The following CHIA variants were observed in gnomAD, a reference collection of about 807,000 sequenced individuals.
The protein encoded by CHIA is chitinase acidic.
In CHIA, 47 loss-of-function variants were observed where a neutral mutation model predicts 53.5. That is an observed-to-expected ratio of 0.88 (90% CI 0.70 to 1.12). The LOEUF is 1.12. CHIA is among the 50% of genes most tolerant of loss of function. CHIA has a pLI of 0.00. For missense variants in CHIA, 652 were observed against 592.2 expected (o/e 1.10, Z -1.05); for synonymous variants, 268 against 222.2 (o/e 1.21, Z -1.83).
intron 11 of CHIA, 93 bp downstream of exon 11, chr1:111,319,561 G>T: frequency 8.0e-7 from 1 of 1,242,590 alleles, no homozygotes; most frequent in African/African-American, 1.5e-5. Context: ...CCCTTGCCCA[G>T]GGATCCTCTT....
chr1:111,305,507 C>T (rs1648109487), intron 1 of CHIA, among the ~76,000 whole-genome samples: 4 of 152,348 alleles, frequency 2.6e-5, no homozygotes, highest in Non-Finnish European at 5.9e-5. Context: ...GCTCCTGGAA[C>T]ACATGCACAG....
Position 111,290,953 on chromosome 1 carries a change from G to T in CHIA, c.-69+3G>T, listed in dbSNP as rs1660976854. ...GGTGGTGAATCCTCCATAGTCTGGT[G>T]AGTGTAAATATATATATATCTTTTC... On this transcript the variant is annotated splice_donor_region_variant and intron_variant, in intron 1 of 11. Coordinates refer to ENST00000369740, the MANE Select transcript of CHIA (RefSeq NM_201653.4). 2.2e-6 allele frequency: 1 copy of T among 459,736 alleles called. No individual in the cohort carries two copies. Among genetic ancestry groups the T allele is most frequent in the Non-Finnish European group, 4.4e-6 (1 of 225,312 alleles). The allele number at this position is 459,736 out of a possible 1,614,324, so 28.5% of individuals were successfully genotyped here.
chr1:111,293,267 T>G (rs1661136199), intron 1 of CHIA, among the ~76,000 whole-genome samples: 4 of 152,328 alleles, frequency 2.6e-5, no homozygotes, highest in African/African-American at 9.6e-5. Context: ...TTTTTGATAG[T>G]AGCCATCCTA....
intron 1 of CHIA, among the ~76,000 whole-genome samples, chr1:111,293,806 G>A (rs780743892): frequency 2.0e-5 from 3 of 152,214 alleles, no homozygotes; most frequent in Non-Finnish European, 4.4e-5. Context: ...GGGGCCAGAT[G>A]TGGTGGCTCA....
intron 4 of CHIA, 75 bp from the exon 5 acceptor site, chr1:111,314,465 C>T (rs2786151): frequency 0.52 from 533,484 of 1,019,518 alleles, 142,868 homozygotes; most frequent in South Asian, 0.64. Context: ...CCAGATCCAA[C>T]ACTAAAGCAA....
intron 1 of CHIA, among the ~76,000 whole-genome samples, chr1:111,305,119 G>C (rs1318064928): frequency 6.6e-6 from 1 of 152,054 alleles, no homozygotes; most frequent in Non-Finnish European, 1.5e-5. Context: ...GAATAAGCCT[G>C]AAATATAAAC....
At chr1:111,301,364 A>G (rs927459448) in intron 1 of CHIA, among the ~76,000 whole-genome samples, 1 of 152,144 alleles carries the variant, frequency 6.6e-6, no homozygotes, top group East Asian at 1.9e-4. Context: ...AATAAAGAAA[A>G]TATGGCACAT....
intron 1 of CHIA, among the ~76,000 whole-genome samples, chr1:111,301,560 G>A (rs376981564): frequency 2.0e-5 from 3 of 152,062 alleles, no homozygotes; most frequent in East Asian, 1.9e-4. Flanking sequence ...AAATTAGCCA[G>A]GCGTGGTGGC....
chr1:111,297,588 A>G (rs1341582542), intron 1 of CHIA, among the ~76,000 whole-genome samples: 1 of 152,216 alleles, frequency 6.6e-6, no homozygotes, highest in African/African-American at 2.4e-5. Context: ...CTAAACATAG[A>G]AAGGAACAAC....
chr1:111,307,801 C>A (rs1648311142), intron 1 of CHIA, among the ~76,000 whole-genome samples: 1 of 152,066 alleles, frequency 6.6e-6, no homozygotes, highest in South Asian at 2.1e-4. Context: ...GCCACCACAC[C>A]CAGCTAATTT....
chr1:111,293,941 G>C (rs1242487862), intron 1 of CHIA, among the ~76,000 whole-genome samples: 1 of 152,134 alleles, frequency 6.6e-6, no homozygotes, highest in Non-Finnish European at 1.5e-5. Context: ...AATTAGCCAG[G>C]CATGGTGGCA....
At chr1:111,292,938 A>T (rs1386399291) in intron 1 of CHIA, among the ~76,000 whole-genome samples, 7 of 152,216 alleles carry the variant, frequency 4.6e-5, no homozygotes, top group Non-Finnish European at 8.8e-5. Flanking sequence ...AGGCTGAATA[A>T]TACTTTATTG....
chr1:111,310,517 C>G (rs745514443), intron 2 of CHIA, 25 bp downstream of exon 2: 1 of 1,613,840 alleles, frequency 6.2e-7, no homozygotes, highest in South Asian at 1.1e-5. Context: ...AGAGATTGAC[C>G]CTTCATCTTA....
At chr1:111,311,199 C>T (rs796602185) in intron 2 of CHIA, among the ~76,000 whole-genome samples, 12 of 152,294 alleles carry the variant, frequency 7.9e-5, no homozygotes, top group African/African-American at 2.9e-4. Flanking sequence ...GGAAAGGTAT[C>T]TGGAGTCTCA....
chr1:111,303,196 A>G (rs2101620428), intron 1 of CHIA, among the ~76,000 whole-genome samples: 1 of 152,214 alleles, frequency 6.6e-6, no homozygotes, highest in South Asian at 2.1e-4. Context: ...CATGTGTTTT[A>G]ATTGATTCTG....
intron 4 of CHIA, among the ~76,000 whole-genome samples, chr1:111,313,395 G>A (rs1648866046): frequency 6.6e-6 from 1 of 152,128 alleles, no homozygotes; most frequent in African/African-American, 2.4e-5. Context: ...TTTCTCTGAT[G>A]ATTAGTGATG....
At chr1:111,302,198 A>G (rs1024291535) in intron 1 of CHIA, among the ~76,000 whole-genome samples, 3 of 152,034 alleles carry the variant, frequency 2.0e-5, no homozygotes, top group African/African-American at 4.8e-5. Flanking sequence ...TTATCTTCTC[A>G]AAGAACTTTT....
intron 1 of CHIA, among the ~76,000 whole-genome samples, chr1:111,308,526 AAGTC>A (rs1326951601): frequency 1.3e-5 from 2 of 152,184 alleles, no homozygotes; most frequent in Non-Finnish European, 2.9e-5. Flanking sequence ...AGAAACAATA[AAGTC>A]AAGCCCTCTG....
At chr1:111,291,663 A>G (rs912997117) in intron 1 of CHIA, among the ~76,000 whole-genome samples, 2 of 152,118 alleles carry the variant, frequency 1.3e-5, no homozygotes, top group Non-Finnish European at 2.9e-5. Context: ...TGTATCCTGG[A>G]ACTTAAAGTA....
Sources: allele counts gnomAD v4.1 joint callset (sites outside exome capture counted in the v4.1 genomes callset), GRCh38; gene constraint gnomAD v4.1.1; transcripts MANE v1.5; gene names NCBI Gene and HGNC (gene_info 2026-07-23, HGNC 2026-07-21).